Variants in SYN3 observed in about 807,000 individuals in gnomAD.
The protein encoded by SYN3 is synapsin-3.
In SYN3, 35 loss-of-function variants were observed where a neutral mutation model predicts 65.8. The ratio of observed to expected loss-of-function variants is 0.53; its 90% CI spans 0.41 to 0.70. SYN3 has a LOEUF of 0.70. SYN3 is among the 30% of genes least tolerant of loss of function. The pLI is 0.00. For synonymous variants in SYN3, 270 were observed against 292.9 expected (o/e 0.92, Z 0.80); for missense variants, 680 against 749.0 (o/e 0.91, Z 1.08).
intron 6 of SYN3, among the ~76,000 whole-genome samples, chr22:32,850,477 C>T (rs2048187155): frequency 6.6e-6 from 1 of 152,130 alleles, no homozygotes; most frequent in Non-Finnish European, 1.5e-5. Context: ...TGGGGCTTCA[C>T]CTTGAATAAC....
At chr22:32,976,311 C>T (rs2052185033) in intron 3 of SYN3, among the ~76,000 whole-genome samples, 1 of 152,192 alleles carries the variant, frequency 6.6e-6, no homozygotes, top group South Asian at 2.1e-4. Context: ...TATACCTTCT[C>T]TTGCCTTTTG....
chr22:32,992,349 C>T (rs1220504434), intron 2 of SYN3, among the ~76,000 whole-genome samples: 1 of 152,228 alleles, frequency 6.6e-6, no homozygotes, highest in Non-Finnish European at 1.5e-5. Flanking sequence ...ACCAGGAAGC[C>T]CACTCAGTCT....
chr22:33,021,781 CTT>C (rs1601919264), intron 1 of SYN3, among the ~76,000 whole-genome samples: 4 of 63,848 alleles, frequency 6.3e-5, no homozygotes, highest in Non-Finnish European at 9.5e-5. Flanking sequence ...TATACTGTAA[CTT>C]ATTTTTTTTT....
Position 32,528,004 on chromosome 22 carries a change from G to A in SYN3, c.1232C>T (p.Ala411Val). ...GGATTTCGCTGATTTAATCTGTGGA[G>A]CCTAGAGCAGAAGAGAAAAGAAGCC... The part of the protein sequence containing the change: ...GTAPSPLRPW[A>V]PQIKSAKSPG... Residue 411 changes from alanine to valine, a missense_variant and splice_region_variant, in exon 12 of 14, where the codon GCT becomes GTT. Physicochemically the swap from Ala to Val is moderately conservative, Grantham distance 64. Transcript: ENST00000358763. 6.4e-7 allele frequency: 1 copy of A among 1,562,372 alleles called. No homozygotes were observed. Among genetic ancestry groups the A allele is most frequent in the Non-Finnish European group, 8.7e-7 (1 of 1,151,870 alleles).
chr22:32,849,554 T>C (rs1227305189), intron 6 of SYN3: 2 of 1,609,090 alleles, frequency 1.2e-6, no homozygotes, highest in Non-Finnish European at 1.7e-6. Context: ...GTCATCACCC[T>C]GGCTCCGGGA....
intron 2 of SYN3, among the ~76,000 whole-genome samples, chr22:32,981,856 T>C (rs2052383810): frequency 6.6e-6 from 1 of 152,200 alleles, no homozygotes; most frequent in Non-Finnish European, 1.5e-5. Flanking sequence ...TTCATCATGT[T>C]ATCTTCACAT....
At chr22:32,518,701 C>T (rs1223698902) in intron 12 of SYN3, among the ~76,000 whole-genome samples, 2 of 152,128 alleles carry the variant, frequency 1.3e-5, no homozygotes, top group African/African-American at 4.8e-5. Context: ...GAAGACTGTA[C>T]ACTAAAACCA....
At chr22:32,578,810 G>C (rs189499005) in intron 7 of SYN3, among the ~76,000 whole-genome samples, 37 of 152,292 alleles carry the variant, frequency 2.4e-4, no homozygotes, top group Non-Finnish European at 7.4e-5. Flanking sequence ...GCCAGAGATT[G>C]GCAAACGTTT....
chr22:32,591,522 CAG>C (rs1601710378), intron 7 of SYN3, among the ~76,000 whole-genome samples: 1 of 152,212 alleles, frequency 6.6e-6, no homozygotes, highest in African/African-American at 2.4e-5. Context: ...TACTTTAATG[CAG>C]AGTTTTCCAA....
At chr22:32,603,537 G>GAAAAAAGA (rs2059317738) in intron 6 of SYN3, among the ~76,000 whole-genome samples, 1 of 124,776 alleles carries the variant, frequency 8.0e-6, no homozygotes, top group Non-Finnish European at 1.8e-5. Flanking sequence ...CAAAAAAAAA[G>GAAAAAAGA]AAAAAAAAAA....
chr22:32,738,952 C>T (rs1326655548), intron 6 of SYN3, among the ~76,000 whole-genome samples: 2 of 152,224 alleles, frequency 1.3e-5, no homozygotes, highest in Non-Finnish European at 2.9e-5. Context: ...AATATTCCAG[C>T]CTAACTTTTC....
chr22:32,634,220 G>A (rs1467657290), intron 6 of SYN3, among the ~76,000 whole-genome samples: 1 of 152,148 alleles, frequency 6.6e-6, no homozygotes, highest in Non-Finnish European at 1.5e-5. Context: ...GGCACAGAGA[G>A]GTTTAAGTAA....
intron 6 of SYN3, among the ~76,000 whole-genome samples, chr22:32,789,798 T>TA (rs1001362273): frequency 2.0e-5 from 3 of 152,208 alleles, no homozygotes; most frequent in African/African-American, 7.2e-5. Flanking sequence ...GAGGGAAAGT[T>TA]ACACAGAAAC....
intron 4 of SYN3, among the ~76,000 whole-genome samples, chr22:32,923,927 T>C (rs1341363114): frequency 2.0e-5 from 3 of 151,150 alleles, no homozygotes; most frequent in East Asian, 2.0e-4. Flanking sequence ...CACTTATAAA[T>C]GAGAACATGT....
intron 1 of SYN3, among the ~76,000 whole-genome samples, chr22:33,030,850 TAG>T (rs2053740804): frequency 6.8e-6 from 1 of 147,324 alleles, no homozygotes; most frequent in Non-Finnish European, 1.5e-5. Context: ...GTGACGGAGA[TAG>T]AGAGACAGAG....
chr22:32,591,062 C>T (rs937967355), intron 7 of SYN3, among the ~76,000 whole-genome samples: 14 of 152,084 alleles, frequency 9.2e-5, no homozygotes, highest in South Asian at 4.1e-4. Flanking sequence ...AACCAGCTTA[C>T]GAAGCTCATA....
chr22:32,994,733 C>T (rs1301873382), intron 2 of SYN3, among the ~76,000 whole-genome samples: 2 of 152,180 alleles, frequency 1.3e-5, no homozygotes, highest in East Asian at 1.9e-4. Flanking sequence ...TCTCGACACC[C>T]TCCTCTAGGG....
intron 1 of SYN3, among the ~76,000 whole-genome samples, chr22:33,009,598 T>C (rs1443146648): frequency 2.0e-5 from 3 of 152,062 alleles, no homozygotes; most frequent in African/African-American, 4.8e-5. Context: ...AGCAGAAGTA[T>C]GGCAGAATAA....
chr22:32,741,077 C>T (rs1397282770), intron 6 of SYN3, among the ~76,000 whole-genome samples: 1 of 152,154 alleles, frequency 6.6e-6, no homozygotes, highest in Non-Finnish European at 1.5e-5. Flanking sequence ...AAGGGAGACA[C>T]TGGATCAGGG....
Sources: gnomAD v4.1 joint callset for allele counts (sites outside exome capture counted in the v4.1 genomes callset) on GRCh38, gnomAD v4.1.1 for gene constraint, MANE v1.5 for transcripts, NCBI Gene and HGNC (gene_info 2026-07-23, HGNC 2026-07-21) for gene names.